UBE3C: variants seen among roughly 807,000 people sequenced by gnomAD.
UBE3C encodes the protein ubiquitin-protein ligase E3C.
In UBE3C, 42 loss-of-function variants were observed where a neutral mutation model predicts 129.4. That is an observed-to-expected ratio of 0.32 (90% CI 0.25 to 0.42). UBE3C has a LOEUF of 0.42. Ranked by LOEUF, UBE3C falls within the 10% of genes least tolerant of loss-of-function variation. UBE3C has a pLI of 1.00. For synonymous variants in UBE3C, 510 were observed against 492.4 expected, an observed-to-expected ratio of 1.04 and a Z score of -0.47; for missense variants, 1,049 against 1,319.1, an observed-to-expected ratio of 0.80 and a Z score of 3.17.
chr7:157,228,746 G>A (rs992679221), intron 17 of UBE3C, among the ~76,000 whole-genome samples: 4 of 152,186 alleles, frequency 2.6e-5, no homozygotes, highest in African/African-American at 4.8e-5. Flanking sequence ...TTCAGTCAGC[G>A]ACCACTGCTC....
intron 18 of UBE3C, among the ~76,000 whole-genome samples, chr7:157,238,028 G>A (rs1796197774): frequency 6.6e-6 from 1 of 151,970 alleles, no homozygotes; most frequent in Non-Finnish European, 1.5e-5. Context: ...CTCCAGCCTG[G>A]GTGACAGAGA....
At chr7:157,176,599 G>A (rs1586664754) in intron 5 of UBE3C, among the ~76,000 whole-genome samples, 1 of 152,192 alleles carries the variant, frequency 6.6e-6, no homozygotes, top group Non-Finnish European at 1.5e-5. Context: ...TTAACAACAA[G>A]AAAACACTCC....
intron 18 of UBE3C, among the ~76,000 whole-genome samples, chr7:157,239,689 A>G (rs147891353): frequency 6.6e-6 from 1 of 152,308 alleles, no homozygotes; most frequent in East Asian, 1.9e-4. Context: ...GCTGTGTTCT[A>G]AAGATGGGAG....
chr7:157,261,130 C>G (rs148330819), intron 22 of UBE3C, among the ~76,000 whole-genome samples: 1 of 151,782 alleles, frequency 6.6e-6, no homozygotes, highest in Non-Finnish European at 1.5e-5. Context: ...TGATGAAACC[C>G]CGCCTCTACT....
intron 22 of UBE3C, among the ~76,000 whole-genome samples, chr7:157,266,341 G>A (rs748402430): frequency 7.9e-5 from 12 of 152,068 alleles, no homozygotes; most frequent in African/African-American, 1.2e-4. Flanking sequence ...AAAATAATAG[G>A]GTAACTGGGT....
chr7:157,175,136 ACT>A, intron 5 of UBE3C, 102 bp downstream of exon 5: 15 of 372,700 alleles, frequency 4.0e-5, no homozygotes, highest in South Asian at 1.0e-4. Flanking sequence ...GCTTTTCCAT[ACT>A]TTTTTTTTTT....
intron 3 of UBE3C, among the ~76,000 whole-genome samples, chr7:157,169,773 C>T (rs1586659581): frequency 6.6e-6 from 1 of 152,248 alleles, no homozygotes; most frequent in African/African-American, 2.4e-5. Context: ...GCTCTGCCCC[C>T]AGGTTCAAGC....
At chr7:157,143,252 T>C (rs1807508020) in intron 1 of UBE3C, among the ~76,000 whole-genome samples, 1 of 152,134 alleles carries the variant, frequency 6.6e-6, no homozygotes, top group Admixed American at 6.5e-5. Flanking sequence ...TGCAGTTTAA[T>C]TGGGGGTATG....
intron 1 of UBE3C, among the ~76,000 whole-genome samples, chr7:157,158,250 T>G (rs545303924): frequency 3.2e-4 from 48 of 152,138 alleles, no homozygotes; most frequent in African/African-American, 9.9e-4. Flanking sequence ...ACAAATATAA[T>G]GAAGCCTTTT....
intron 21 of UBE3C, among the ~76,000 whole-genome samples, chr7:157,256,489 C>A (rs1175651500): frequency 6.7e-6 from 1 of 148,974 alleles, no homozygotes; most frequent in Non-Finnish European, 1.5e-5. Context: ...GTACTTTGCC[C>A]ATCGCCTCCA....
intron 18 of UBE3C, among the ~76,000 whole-genome samples, chr7:157,236,856 C>T (rs930267621): frequency 2.0e-5 from 3 of 151,796 alleles, no homozygotes; most frequent in East Asian, 2.0e-4. Flanking sequence ...CTCAGCCTCC[C>T]GAGTAGCTGG....
chr7:157,247,365 A>C (rs1226004635), intron 18 of UBE3C, among the ~76,000 whole-genome samples: 1 of 152,214 alleles, frequency 6.6e-6, no homozygotes, highest in Non-Finnish European at 1.5e-5. Flanking sequence ...TAAGTGCTCA[A>C]GGAATGGTAA....
intron 1 of UBE3C, among the ~76,000 whole-genome samples, chr7:157,145,992 C>T (rs776315421): frequency 6.6e-6 from 1 of 152,012 alleles, no homozygotes. Flanking sequence ...ATTACCAAAG[C>T]CAAGGTAACC....
At chr7:157,180,606 C>G (rs764884134) in intron 6 of UBE3C, among the ~76,000 whole-genome samples, 1 of 151,190 alleles carries the variant, frequency 6.6e-6, no homozygotes, top group Admixed American at 6.6e-5. Flanking sequence ...TGATGAGATA[C>G]TCAAAAATTG....
At chr7:157,177,944 TAAG>T (rs796282369) in intron 5 of UBE3C, among the ~76,000 whole-genome samples, 9 of 149,300 alleles carry the variant, frequency 6.0e-5, no homozygotes, top group African/African-American at 2.0e-4. Flanking sequence ...TTTTTTTTTT[TAAG>T]AAAAAGGAAA....
chr7:157,178,235 T>A (rs1231210154), intron 5 of UBE3C, among the ~76,000 whole-genome samples: 1 of 152,166 alleles, frequency 6.6e-6, no homozygotes, highest in Non-Finnish European at 1.5e-5. Flanking sequence ...GAGAGTTGAC[T>A]TAGGACCAGA....
intron 1 of UBE3C, among the ~76,000 whole-genome samples, chr7:157,151,493 A>G (rs948711346): frequency 1.3e-5 from 2 of 152,156 alleles, no homozygotes; most frequent in African/African-American, 4.8e-5. Context: ...CTGACTTAAA[A>G]TGCTATTTTT....
At chr7:157,167,773 T>G (rs948432909) in intron 2 of UBE3C, among the ~76,000 whole-genome samples, 19 of 151,852 alleles carry the variant, frequency 1.3e-4, no homozygotes, top group Non-Finnish European at 5.9e-5. Context: ...CCTGACCTTG[T>G]GATCCTCCTG....
chr7:157,178,303 T>C (rs1808577973), intron 5 of UBE3C, among the ~76,000 whole-genome samples: 1 of 152,228 alleles, frequency 6.6e-6, no homozygotes, highest in Non-Finnish European at 1.5e-5. Context: ...CAAAAGCATC[T>C]TTAAGGAGAT....
Sources: allele counts gnomAD v4.1 joint callset (sites outside exome capture counted in the v4.1 genomes callset), GRCh38; gene constraint gnomAD v4.1.1; transcripts MANE v1.5; gene names NCBI Gene and HGNC (gene_info 2026-07-23, HGNC 2026-07-21).